The following ADAM22 variants were observed in gnomAD, a reference collection of about 807,000 sequenced individuals.
ADAM22 encodes ADAM metallopeptidase domain 22.
In ADAM22, 65 loss-of-function variants were observed where a neutral mutation model predicts 144.6. That is an observed-to-expected ratio of 0.45 (90% CI 0.37 to 0.55). The LOEUF is 0.55. Ranked by LOEUF, ADAM22 falls within the 20% of genes least tolerant of loss-of-function variation. The pLI, the probability that ADAM22 is intolerant of heterozygous loss-of-function variation, is 0.00. For missense variants in ADAM22, 974 were observed against 1,184.9 expected, an observed-to-expected ratio of 0.82 and a Z score of 2.61; for synonymous variants, 391 against 412.6, an observed-to-expected ratio of 0.95 and a Z score of 0.63.
At chr7:88,167,036 A>G (rs796339099) in intron 24 of ADAM22, among the ~76,000 whole-genome samples, 13 of 152,284 alleles carry the variant, frequency 8.5e-5, no homozygotes, top group African/African-American at 2.9e-4. Flanking sequence ...GTCTGCTCAG[A>G]TGACCTAGCC....
At chr7:88,178,384 T>C (rs1191435628) in intron 26 of ADAM22, among the ~76,000 whole-genome samples, 1 of 152,180 alleles carries the variant, frequency 6.6e-6, no homozygotes, top group Non-Finnish European at 1.5e-5. Context: ...TCTTCGTATT[T>C]CTGTTAAATG....
chr7:87,934,337 C>A lies in ADAM22; in HGVS notation c.-129C>A, dbSNP rs1042036198. The stretch of plus-strand genomic sequence containing the variant: ...GTGGAGGTTGCAGCGCCACGGCCGC[C>A]GCAGCACCGGCCGGGGCTGGGTGGA... On this transcript the variant is annotated 5_prime_UTR_variant, in exon 1 of 32. Coordinates refer to ENST00000413139, the MANE Select transcript of ADAM22 (RefSeq NM_001324418.2). 28 of 790,996 alleles carry A rather than the reference C, an allele frequency of 3.5e-5. No homozygotes were observed. Among genetic ancestry groups the A allele is most frequent in the Middle Eastern group, 3.7e-4 (1 of 2,678 alleles). 49.0% of individuals were successfully genotyped at this position (790,996 alleles called of 1,614,324 possible). A position where few individuals can be genotyped will look rare whatever the true frequency, so the allele number is the denominator to read the frequency against.
chr7:88,151,268 T>G lies in ADAM22; in HGVS notation c.1629T>G (p.Phe543Leu). Reference protein sequence around the residue: ...YSCDGVQGICFGGRCKTRDRQ... With the variant: ...YSCDGVQGICLGGRCKTRDRQ... ...CTTTTCCGTTTTAGGGAATTTGCTT[T>G]GGAGGAAGATGCAAAACCAGAGATA... Residue 543 changes from phenylalanine (F) to leucine (L), a missense_variant, in exon 20 of 32, where the codon TTT becomes TTG. Physicochemically the swap from Phe to Leu is conservative, Grantham distance 22 (BLOSUM62 0). Around this residue, in one of 2 missense-constraint regions of ADAM22, gnomAD observed 734 missense variants for 950.6 expected, o/e 0.77. Coordinates refer to ENST00000413139, the MANE Select transcript of ADAM22 (RefSeq NM_001324418.2). 1 of 1,614,154 alleles carries G rather than the reference T, an allele frequency of 6.2e-7. No individual in the cohort carries two copies. Among genetic ancestry groups the G allele is most frequent in the South Asian group, 1.1e-5 (1 of 91,084 alleles).
intron 3 of ADAM22, among the ~76,000 whole-genome samples, chr7:88,060,535 C>T (rs1809495819): frequency 6.6e-6 from 1 of 151,902 alleles, no homozygotes; most frequent in African/African-American, 2.4e-5. Flanking sequence ...CTTTGGGAGG[C>T]CGAGGTGGGT....
intron 4 of ADAM22, among the ~76,000 whole-genome samples, chr7:88,089,145 G>A (rs1284983553): frequency 6.6e-6 from 1 of 151,718 alleles, no homozygotes. Flanking sequence ...GAACACAGGG[G>A]TTAATTTGCT....
intron 3 of ADAM22, among the ~76,000 whole-genome samples, chr7:88,026,842 G>A (rs748087902): frequency 2.0e-5 from 3 of 152,138 alleles, no homozygotes; most frequent in Non-Finnish European, 4.4e-5. Context: ...TTTCCATTCA[G>A]TATGGTACTA....
intron 3 of ADAM22, among the ~76,000 whole-genome samples, chr7:87,979,103 C>T (rs1852647126): frequency 6.6e-6 from 1 of 152,104 alleles, no homozygotes; most frequent in African/African-American, 2.4e-5. Context: ...CAGGGTTCTG[C>T]CAGGCCTATG....
intron 14 of ADAM22, among the ~76,000 whole-genome samples, chr7:88,142,699 A>T (rs374042275): frequency 6.6e-6 from 1 of 152,110 alleles, no homozygotes; most frequent in East Asian, 1.9e-4. Context: ...TTAGCTGGGC[A>T]TGGTGGCGGG....
chr7:88,115,683 A>G (rs948861854), intron 6 of ADAM22, among the ~76,000 whole-genome samples: 1 of 152,210 alleles, frequency 6.6e-6, no homozygotes, highest in Non-Finnish European at 1.5e-5. Context: ...CAATATGAGA[A>G]GTCTGGGGAC....
intron 3 of ADAM22, among the ~76,000 whole-genome samples, chr7:87,997,026 G>A (rs1791397808): frequency 6.6e-6 from 1 of 152,192 alleles, no homozygotes; most frequent in Admixed American, 6.5e-5. Context: ...TTAAAGGGTT[G>A]CCATGAGGTC....
intron 3 of ADAM22, among the ~76,000 whole-genome samples, chr7:88,042,558 T>C (rs1453556641): frequency 6.6e-6 from 1 of 152,074 alleles, no homozygotes; most frequent in African/African-American, 2.4e-5. Context: ...GATTTGAAGT[T>C]TGAAATGAAA....
chr7:88,112,136 G>C (rs776669898), intron 5 of ADAM22, among the ~76,000 whole-genome samples: 3 of 152,164 alleles, frequency 2.0e-5, no homozygotes, highest in African/African-American at 7.2e-5. Flanking sequence ...TTTTTGAAAG[G>C]CTCCCCCTCT....
chr7:87,987,976 C>A (rs980488907), intron 3 of ADAM22, among the ~76,000 whole-genome samples: 11 of 152,122 alleles, frequency 7.2e-5, no homozygotes, highest in African/African-American at 2.7e-4. Context: ...GGGACTGTAG[C>A]TACCTTATTC....
At chr7:88,149,178 C>A in intron 18 of ADAM22, 121 bp downstream of exon 18, 4 of 692,982 alleles carry the variant, frequency 5.8e-6, no homozygotes, top group South Asian at 5.6e-5. Context: ...CATCATTTCT[C>A]CATTTTTTTT....
intron 3 of ADAM22, among the ~76,000 whole-genome samples, chr7:88,040,379 G>A (rs1329142031): frequency 6.6e-6 from 1 of 151,780 alleles, no homozygotes; most frequent in African/African-American, 2.4e-5. Flanking sequence ...TGATCCACCC[G>A]CCTCAGCCTC....
intron 2 of ADAM22, among the ~76,000 whole-genome samples, chr7:87,958,556 T>C (rs1847324735): frequency 1.3e-5 from 2 of 152,136 alleles, no homozygotes; most frequent in South Asian, 4.1e-4. Flanking sequence ...CAGCTAATTT[T>C]TGTATTTTTA....
At chr7:88,060,181 T>C (rs983041705) in intron 3 of ADAM22, among the ~76,000 whole-genome samples, 1 of 152,204 alleles carries the variant, frequency 6.6e-6, no homozygotes, top group Non-Finnish European at 1.5e-5. Context: ...CTTGCCTCAG[T>C]GTTGATGGCT....
intron 3 of ADAM22, among the ~76,000 whole-genome samples, chr7:88,005,994 T>C (rs1663802761): frequency 6.6e-6 from 1 of 152,200 alleles, no homozygotes; most frequent in South Asian, 2.1e-4. Context: ...ATTTATATGC[T>C]GTGGCTGCAT....
rs146521172 is a variant in ADAM22, at chr7:88,001,256, A to G, written c.323+22844A>G. On this transcript the variant is annotated intron_variant, in intron 3 of 31. Coordinates refer to ENST00000413139, the MANE Select transcript of ADAM22 (RefSeq NM_001324418.2). ...ATATATAATGAGATATCTTGGAAAT[A>G]GCACCCAATTCTAAACGTGAAATTC... 6.7e-4 allele frequency among the ~76,000 whole-genome samples: 102 copies of G among 152,370 alleles called. 1 individual carries two copies. The highest frequency in any genetic ancestry group is 2.4e-3 in the African/African-American group (101 of 41,584).
Sources: allele counts gnomAD v4.1 joint callset (sites outside exome capture counted in the v4.1 genomes callset), GRCh38; gene constraint gnomAD v4.1.1; regional missense constraint gnomAD v4.1.1; transcripts MANE v1.5; gene names NCBI Gene and HGNC (gene_info 2026-07-23, HGNC 2026-07-21).